GNB2: variants seen among roughly 807,000 people sequenced by gnomAD.
GNB2 encodes guanine nucleotide-binding protein G(I)/G(S)/G(T) subunit beta-2.
Under a neutral mutation model 40.7 loss-of-function variants are expected in GNB2, and 7 were observed. The observed-to-expected ratio is 0.17, with a 90% CI of 0.10 to 0.32. The LOEUF (loss-of-function observed/expected upper bound fraction) is 0.32. GNB2 is among the 10% of genes least tolerant of loss of function. GNB2 has a pLI of 1.00. For missense variants in GNB2, 286 were observed against 473.0 expected (o/e 0.60, Z 3.67); for synonymous variants, 254 against 191.2 (o/e 1.33, Z -2.71).
rs377520963 is a variant in GNB2, at chr7:100,678,485, A to T, written c.787A>T (p.Met263Leu). 2 of 1,613,642 alleles carry T rather than the reference A, an allele frequency of 1.2e-6. No individual in the cohort carries two copies. The highest frequency in any genetic ancestry group is 1.7e-6 in the Non-Finnish European group (2 of 1,179,938). ...CCTGCGGGCCGATCAGGAGCTCCTC[A>T]TGTACTCCCATGACAACATCATCTG... ...FDLRADQELLMYSHDNIICGI... is the reference protein window; with the variant it reads ...FDLRADQELLLYSHDNIICGI... The change falls in exon 9 of 10, where the codon ATG (methionine) becomes TTG (leucine). Residue 263 changes from methionine (M) to leucine (L), a missense_variant. Met to Leu is a conservative substitution (Grantham distance 15, BLOSUM62 2). Coordinates refer to ENST00000303210, the MANE Select transcript of GNB2 (RefSeq NM_005273.4).
intron 1 of GNB2, among the ~76,000 whole-genome samples, chr7:100,674,584 G>A (rs1404311874): frequency 6.6e-6 from 1 of 152,098 alleles, no homozygotes; most frequent in Non-Finnish European, 1.5e-5. Context: ...GCGCTTCGCA[G>A]CGCCGCACCA....
At chr7:100,675,593 G>C (rs1413669336) in intron 1 of GNB2, 1 of 152,166 alleles carries the variant, frequency 6.6e-6, no homozygotes, top group Non-Finnish European at 1.5e-5. Flanking sequence ...TCTCTGCCGT[G>C]GATGCGGTTG....
intron 4 of GNB2, 91 bp downstream of exon 4, chr7:100,676,890 A>G: frequency 1.4e-6 from 1 of 727,410 alleles, no homozygotes; most frequent in Non-Finnish European, 2.3e-6. Flanking sequence ...GCAGGCCACC[A>G]AAATACCCAG....
chr7:100,674,781 C>T (rs1022372784), intron 1 of GNB2, among the ~76,000 whole-genome samples: 8 of 152,240 alleles, frequency 5.3e-5, no homozygotes, highest in Non-Finnish European at 2.9e-5. Flanking sequence ...CGCCCCCGCC[C>T]CCAGTTTCTT....
chr7:100,679,017 T>C lies in GNB2; in HGVS notation c.*216T>C. ...GAAGAGGAGGAGCAGGAGGCCCTCA[T>C]CCTTCTGCTGCCCTGGGGTTGGGGC... On this transcript the variant is annotated 3_prime_UTR_variant, in exon 10 of 10. Coordinates refer to ENST00000303210, the MANE Select transcript of GNB2 (RefSeq NM_005273.4). 2 of 553,708 alleles carry C rather than the reference T, an allele frequency of 3.6e-6. No homozygotes were observed. Among genetic ancestry groups the C allele is most frequent in the Non-Finnish European group, 6.5e-6 (2 of 309,810 alleles). 34.3% of individuals were successfully genotyped at this position (553,708 alleles called of 1,614,324 possible).
chr7:100,678,931 C>T lies in GNB2; in HGVS notation c.*130C>T. 1.4e-6 allele frequency: 1 copy of T among 701,988 alleles called. No individual in the cohort carries two copies. Among genetic ancestry groups the T allele is most frequent in the Non-Finnish European group, 2.4e-6 (1 of 414,902 alleles). 43.5% of individuals were successfully genotyped at this position (701,988 alleles called of 1,614,324 possible). A position where few individuals can be genotyped will look rare whatever the true frequency, so the allele number is the denominator to read the frequency against. ...ACGGGGCCTTGGGTCCCTGCCCTCC[C>T]ACCCAGGTTTGGTTCCTCCCGGGGC... On this transcript the variant is annotated 3_prime_UTR_variant, in exon 10 of 10. Transcript: ENST00000303210.
intron 1 of GNB2, among the ~76,000 whole-genome samples, chr7:100,674,634 TCA>T (rs1804310790): frequency 6.6e-6 from 1 of 152,076 alleles, no homozygotes; most frequent in Non-Finnish European, 1.5e-5. Flanking sequence ...GACCCTCCCG[TCA>T]CTCTCCTGAG....
rs112855313 is a variant in GNB2 at position 100,678,300 on chromosome 7, G to C, written c.699+1G>C. ...TGAATCCGACATCAATGCAGTGGCT[G>C]TGAGTTTTGGGGCGAGCTAGGCCAG... On this transcript the variant is annotated splice_donor_variant, in intron 8 of 9. Transcript: ENST00000303210. LOFTEE classifies it high-confidence loss of function. 1 of 1,613,114 alleles carries C rather than the reference G, an allele frequency of 6.2e-7. No individual in the cohort carries two copies. Among genetic ancestry groups the C allele is most frequent in the Non-Finnish European group, 8.5e-7 (1 of 1,179,510 alleles).
At chr7:100,676,889 C>A in intron 4 of GNB2, 90 bp downstream of exon 4, 1 of 726,870 alleles carries the variant, frequency 1.4e-6, no homozygotes, top group South Asian at 1.7e-5. Flanking sequence ...AGCAGGCCAC[C>A]AAAATACCCA....
Position 100,678,855 on chromosome 7 carries a change from T to C in GNB2, c.*54T>C. The stretch of plus-strand genomic sequence containing the variant: ...GGAGGGGCCCTGCCCATGCCCACAC[T>C]ACAGGCCAGGGCTGCGGGGCTGGCG... On this transcript the variant is annotated 3_prime_UTR_variant, in exon 10 of 10. Transcript: ENST00000303210. The C allele has an allele frequency of 1.5e-6, 2 of 1,364,572 alleles. No individual in the cohort carries two copies. The highest frequency in any genetic ancestry group is 2.1e-6 in the Non-Finnish European group (2 of 957,170). 84.5% of individuals were successfully genotyped at this position (1,364,572 alleles called of 1,614,324 possible).
At chr7:100,675,086 G>A (rs1804320448) in intron 1 of GNB2, among the ~76,000 whole-genome samples, 1 of 151,832 alleles carries the variant, frequency 6.6e-6, no homozygotes, top group Non-Finnish European at 1.5e-5. Flanking sequence ...GGATCGCACA[G>A]GTGTCCCGCG....
chr7:100,677,616 G>T lies in GNB2; in HGVS notation c.386G>T (p.Arg129Leu). The change falls in exon 6 of 10, where the codon CGC (arginine) becomes CTC (leucine). Residue 129 changes from arginine to leucine, a missense_variant. By Grantham distance (102) the Arg-to-Leu change is moderately radical (BLOSUM62 -2). Transcript: ENST00000303210. ...TGCTCCATCTACAGCCTCAAGACCC[G>T]CGAGGGCAACGTCAGGGTCAGCCGG... ...NICSIYSLKT[R>L]EGNVRVSREL... 6.2e-7 allele frequency: 1 copy of T among 1,613,416 alleles called. No homozygotes were observed. The highest frequency in any genetic ancestry group is 8.5e-7 in the Non-Finnish European group (1 of 1,180,002).
Position 100,676,809 on chromosome 7 carries a change from T to C in GNB2, c.203+10T>C, listed in dbSNP as rs760614598. Reference sequence around the variant, plus strand: ...GGGGGACCGACTCAAGGTGTGTGTGTGTGCGCGGGCTGGCGCTGTGGGCCG... The same window carrying C: ...GGGGGACCGACTCAAGGTGTGTGTGCGTGCGCGGGCTGGCGCTGTGGGCCG... On this transcript the variant is annotated intron_variant, in intron 4 of 9. Coordinates refer to ENST00000303210, the MANE Select transcript of GNB2 (RefSeq NM_005273.4). The C allele has an allele frequency of 1.2e-5, 18 of 1,515,206 alleles. No individual in the cohort carries two copies. The highest frequency in any genetic ancestry group is 9.6e-5 in the African/African-American group (7 of 72,796). The allele number at this position is 1,515,206 out of a possible 1,614,324, so 93.9% of individuals were successfully genotyped here. A position where few individuals can be genotyped will look rare whatever the true frequency, so the allele number is the denominator to read the frequency against.
chr7:100,676,208 C>T lies in GNB2; in HGVS notation c.-58C>T. 2 of 1,080,144 alleles carry T rather than the reference C, an allele frequency of 1.9e-6. No individual in the cohort carries two copies. Among genetic ancestry groups the T allele is most frequent in the Non-Finnish European group, 1.4e-6 (1 of 732,070 alleles). The allele number at this position is 1,080,144 out of a possible 1,614,324, so 66.9% of individuals were successfully genotyped here. The stretch of plus-strand genomic sequence containing the variant: ...GGCCAGCGGCCAGGAGCTGCCTCCC[C>T]CAGCCCCCGTCCCGCGGCCCCCAGC... On this transcript the variant is annotated 5_prime_UTR_variant, in exon 2 of 10. Coordinates refer to ENST00000303210, the MANE Select transcript of GNB2 (RefSeq NM_005273.4).
chr7:100,675,590 C>A (rs527810565), intron 1 of GNB2: 1 of 152,058 alleles, frequency 6.6e-6, no homozygotes, highest in Admixed American at 6.5e-5. Context: ...AGGTCTCTGC[C>A]GTGGATGCGG....
In GNB2 at chr7:100,675,949, C is replaced by T. The variant is rs866537102; in HGVS notation, c.-89-228C>T. The T allele has an allele frequency of 3.0e-5, 11 of 363,636 alleles. No individual in the cohort carries two copies. The Admixed American group carries it at 4.2e-4, about 14-fold the overall frequency. The allele number at this position is 363,636 out of a possible 1,614,324, so 22.5% of individuals were successfully genotyped here. A position where few individuals can be genotyped will look rare whatever the true frequency, so the allele number is the denominator to read the frequency against. ...CGAGGGAGGGGTTTCCCCTGCGCTT[C>T]CTCTTGCACTTCCCGCTCCGTTTCC... On this transcript the variant is annotated intron_variant, in intron 1 of 9. Transcript: ENST00000303210.
rs1207093492 is a variant in GNB2, at chr7:100,678,880, G to GC, written c.*80dup. ...TACAGGCCAGGGCTGCGGGGCTGGC[G>GC]CAATCCCAGCCCCCTTCCCCGGGCC... is the stretch of plus-strand genomic sequence containing the variant. On this transcript the variant is annotated 3_prime_UTR_variant, in exon 10 of 10. Coordinates refer to ENST00000303210, the MANE Select transcript of GNB2 (RefSeq NM_005273.4). 1 of 1,113,486 alleles carries GC rather than the reference G, an allele frequency of 9.0e-7. No individual in the cohort carries two copies. The highest frequency in any genetic ancestry group is 1.3e-6 in the Non-Finnish European group (1 of 751,890). The allele number at this position is 1,113,486 out of a possible 1,614,324, so 69.0% of individuals were successfully genotyped here. A position where few individuals can be genotyped will look rare whatever the true frequency, so the allele number is the denominator to read the frequency against.
chr7:100,678,032 G>C, intron 7 of GNB2, 66 bp from the exon 8 acceptor site: 1 of 1,343,190 alleles, frequency 7.4e-7, no homozygotes. Flanking sequence ...TGGTGGGGCG[G>C]GGAGAACAGG....
Position 100,673,882 on chromosome 7 carries a change from C to A in GNB2, c.-131C>A. On this transcript the variant is annotated 5_prime_UTR_variant, in exon 1 of 10. Coordinates refer to ENST00000303210, the MANE Select transcript of GNB2 (RefSeq NM_005273.4). ...CCGCGGAGGAAGACAGCGCCGCCCG[C>A]GCACCGCCAGCGACCTCCGCCGCAG... The A allele has an allele frequency of 5.5e-6, 1 of 183,234 alleles. No individual in the cohort carries two copies. Among genetic ancestry groups the A allele is most frequent in the Non-Finnish European group, 1.1e-5 (1 of 92,116 alleles). The allele number at this position is 183,234 out of a possible 1,614,324, so 11.4% of individuals were successfully genotyped here.
Sources: allele counts gnomAD v4.1 joint callset (sites outside exome capture counted in the v4.1 genomes callset), GRCh38; gene constraint gnomAD v4.1.1; transcripts MANE v1.5; gene names NCBI Gene and HGNC (gene_info 2026-07-23, HGNC 2026-07-21).